The following TTC23L variants were observed in gnomAD, a reference collection of about 807,000 sequenced individuals.
The protein encoded by TTC23L is tetratricopeptide repeat domain 23 like.
A neutral mutation model predicts 48.1 loss-of-function variants in TTC23L; 42 were observed. That is an observed-to-expected ratio of 0.87 (90% CI 0.68 to 1.13). The LOEUF (loss-of-function observed/expected upper bound fraction) is 1.13. TTC23L is among the 50% of genes most tolerant of loss of function. TTC23L has a pLI of 0.00. For synonymous variants in TTC23L, 159 were observed against 157.2 expected (o/e 1.01, Z -0.09); for missense variants, 391 against 421.0 (o/e 0.93, Z 0.62).
intron 8 of TTC23L, among the ~76,000 whole-genome samples, chr5:34,877,113 C>T (rs1467319767): frequency 1.3e-5 from 2 of 152,152 alleles, no homozygotes; most frequent in Non-Finnish European, 2.9e-5. Flanking sequence ...AAGAATTATA[C>T]ACTACAGCCA....
chr5:34,848,367 C>T (rs929919276), intron 3 of TTC23L, among the ~76,000 whole-genome samples: 2 of 152,270 alleles, frequency 1.3e-5, no homozygotes, highest in South Asian at 2.1e-4. Flanking sequence ...TTTAACCTTG[C>T]TAATAAATGA....
rs1259449182 is a variant in TTC23L, at chr5:34,864,495, G to T, written c.595G>T (p.Glu199Ter). ...AGAGAGAAACATGAAGGAGCTGAAAGAATTATATAAAGGAGGTGTTTGTGA... is the reference window on the plus strand; with the variant it reads ...AGAGAGAAACATGAAGGAGCTGAAATAATTATATAAAGGAGGTGTTTGTGA... The change falls in exon 6 of 11, where the codon GAA becomes TAA. Residue 199 changes from glutamate to a stop codon, truncating the protein, a stop_gained. Coordinates refer to ENST00000505624, the Ensembl canonical transcript of TTC23L. LOFTEE classifies it high-confidence loss of function. 1.2e-6 allele frequency: 2 copies of T among 1,613,860 alleles called. No individual in the cohort carries two copies. The highest frequency in any genetic ancestry group is 1.1e-5 in the South Asian group (1 of 91,054).
intron 9 of TTC23L, among the ~76,000 whole-genome samples, chr5:34,881,114 A>C (rs964257458): frequency 1.3e-5 from 2 of 152,190 alleles, no homozygotes; most frequent in Non-Finnish European, 2.9e-5. Context: ...GAATATTAGT[A>C]AAAAAATATT....
chr5:34,917,048 T>C, the TTC23L span, among the ~76,000 whole-genome samples: 1 of 151,782 alleles, frequency 6.6e-6, no homozygotes, highest in Non-Finnish European at 1.5e-5. Flanking sequence ...TATAATAAGA[T>C]AAAGAATCAT....
intron 8 of TTC23L, 74 bp from the exon 9 acceptor site, chr5:34,880,107 A>G (rs560568422): frequency 2.2e-5 from 34 of 1,530,326 alleles, no homozygotes; most frequent in African/African-American, 1.8e-4. Context: ...GAAAATGTCA[A>G]TTGAGCCAAA....
the TTC23L span, chr5:34,914,885 A>T: frequency 6.2e-7 from 1 of 1,613,996 alleles, no homozygotes; most frequent in Non-Finnish European, 8.5e-7. Flanking sequence ...TTGGGTCAGA[A>T]GGGGCATCGT....
At chr5:34,922,097 T>C in the TTC23L span, 2 of 532,526 alleles carry the variant, frequency 3.8e-6, no homozygotes, top group Admixed American at 7.1e-5. Flanking sequence ...TTTAGGCCTT[T>C]GTAGCCTATT....
intron 8 of TTC23L, among the ~76,000 whole-genome samples, chr5:34,876,702 GT>G (rs992951199): frequency 3.9e-5 from 6 of 152,140 alleles, no homozygotes; most frequent in Non-Finnish European, 8.8e-5. Context: ...TAGAAGCAGA[GT>G]AGCCATTTTT....
At chr5:34,874,389 A>G (rs115068109) in intron 8 of TTC23L, among the ~76,000 whole-genome samples, 3,487 of 152,312 alleles carry the variant, frequency 0.023, 49 homozygotes, top group Admixed American at 0.037. Context: ...AGCAGAAGGC[A>G]GGGATTAGGA....
chr5:34,913,557 T>C, the TTC23L span: 1 of 1,594,882 alleles, frequency 6.3e-7, no homozygotes, highest in East Asian at 2.2e-5. Context: ...TCCTGAACTT[T>C]AAACTCCTGA....
At chr5:34,898,876 G>T (rs1763392354) in intron 10 of TTC23L, among the ~76,000 whole-genome samples, 1 of 152,090 alleles carries the variant, frequency 6.6e-6, no homozygotes, top group African/African-American at 2.4e-5. Context: ...TGTGTTTCTG[G>T]AGCAGTCTTT....
At chr5:34,839,547 G>A (rs1758419040) in intron 1 of TTC23L, 1 of 799,726 alleles carries the variant, frequency 1.3e-6, no homozygotes, top group Admixed American at 6.2e-5. Context: ...GGGAGTTTGA[G>A]AGATCAGAAC....
chr5:34,844,205 C>T (rs1271666087), intron 2 of TTC23L, among the ~76,000 whole-genome samples: 13 of 152,136 alleles, frequency 8.5e-5, no homozygotes, highest in Admixed American at 7.2e-4. Flanking sequence ...ATCAAATTAG[C>T]TTGTCTACTG....
the TTC23L span, chr5:34,920,620 A>G: frequency 2.0e-5 from 3 of 152,342 alleles, no homozygotes; most frequent in Admixed American, 6.5e-5. Context: ...GACAGGAGAA[A>G]TAAAGCAGGT....
chr5:34,861,621 G>A (rs1167264256), intron 4 of TTC23L: 1 of 152,188 alleles, frequency 6.6e-6, no homozygotes, highest in African/African-American at 2.4e-5. Flanking sequence ...TTCAGGAGGT[G>A]CACTTAGAAC....
exon 7 of TTC23L, chr5:34,866,925 T>C (rs1034545441): frequency 3.7e-6 from 6 of 1,608,328 alleles, no homozygotes; most frequent in Non-Finnish European, 5.1e-6. Context: ...TGAACCTAGC[T>C]CTGGCATACT....
chr5:34,913,824 AGGTCACTT>A, the TTC23L span: 2 of 526,824 alleles, frequency 3.8e-6, no homozygotes, highest in South Asian at 3.6e-5. Context: ...ACTACTGCTA[AGGTCACTT>A]GGAAAATAGA....
intron 4 of TTC23L, among the ~76,000 whole-genome samples, chr5:34,858,262 C>T (rs1760288508): frequency 6.6e-6 from 1 of 152,066 alleles, no homozygotes; most frequent in African/African-American, 2.4e-5. Context: ...TATGAAGCAT[C>T]CTTCATAGAT....
intron 6 of TTC23L, among the ~76,000 whole-genome samples, chr5:34,866,481 G>A (rs1761056588): frequency 6.6e-6 from 1 of 151,990 alleles, no homozygotes; most frequent in Non-Finnish European, 1.5e-5. Flanking sequence ...TTTTAACTGA[G>A]GAGGAATTCG....
Sources: gnomAD v4.1 joint callset for allele counts (sites outside exome capture counted in the v4.1 genomes callset) on GRCh38, gnomAD v4.1.1 for gene constraint, MANE v1.5 for transcripts, NCBI Gene and HGNC (gene_info 2026-07-23, HGNC 2026-07-21) for gene names.